The following DDX60 variants were observed in gnomAD, a reference collection of about 807,000 sequenced individuals.
DDX60 encodes DExD/H-box helicase 60.
A neutral mutation model predicts 212.8 loss-of-function variants in DDX60; 165 were observed. The ratio of observed to expected loss-of-function variants is 0.78; its 90% CI spans 0.68 to 0.88. The LOEUF (loss-of-function observed/expected upper bound fraction) is 0.88, where lower values mean the gene tolerates loss of function less well. DDX60 is among the 40% of genes least tolerant of loss of function. The probability of loss-of-function intolerance (pLI) is 0.00; values close to 1 mark genes in which losing one functional copy is unlikely to be tolerated. For synonymous variants in DDX60, 703 were observed against 685.3 expected, an observed-to-expected ratio of 1.03 and a Z score of -0.40; for missense variants, 1,905 against 2,003.9, an observed-to-expected ratio of 0.95 and a Z score of 0.94.
chr4:168,324,494 T>C, the DDX60 span, among the ~76,000 whole-genome samples: 3 of 152,164 alleles, frequency 2.0e-5, no homozygotes, highest in African/African-American at 7.2e-5. Context: ...CAGCATTTGT[T>C]GGAGGGGGCC....
chr4:168,322,165 C>T (rs532302451), upstream of DDX60, among the ~76,000 whole-genome samples: 95 of 152,302 alleles, frequency 6.2e-4, 1 homozygote, highest in Admixed American at 1.7e-3. Context: ...TGCCTCTGTT[C>T]AGCATTAGAA....
At chr4:168,269,517 C>T (rs11722089) in intron 19 of DDX60, among the ~76,000 whole-genome samples, 2,609 of 152,036 alleles carry the variant, frequency 0.017, 125 homozygotes, top group East Asian at 0.14. Context: ...AGGAGAATGG[C>T]GTGAACCCGG....
In DDX60 at chr4:168,267,642, T is replaced by C. The variant is rs1335468348; in HGVS notation, c.2979A>G (p.Ile993Met). ...GATCAAAATGAATGTCACCATGTTT[T>C]ATTGAACATACATGCTTCTCTAGAT... Reference protein sequence around the residue: ...YNDLEKHVCSIKHGDIHFDHF... With the variant: ...YNDLEKHVCSMKHGDIHFDHF... Residue 993 changes from isoleucine to methionine, a missense_variant, in exon 22 of 38, where the codon ATA becomes ATG. Ile to Met is a conservative substitution (Grantham distance 10). Transcript: ENST00000393743. The C allele has an allele frequency of 1.2e-6, 2 of 1,604,320 alleles. No individual in the cohort carries two copies. The highest frequency in any genetic ancestry group is 3.4e-5 in the Admixed American group (2 of 59,284).
At chr4:168,310,886 T>G in intron 3 of DDX60, 112 bp downstream of exon 3, 1 of 577,392 alleles carries the variant, frequency 1.7e-6, no homozygotes, top group South Asian at 2.8e-5. Context: ...TCAGTGCCCT[T>G]AGCCCCTACA....
intron 18 of DDX60, 80 bp downstream of exon 18, chr4:168,273,199 G>A (rs1304011430): frequency 3.0e-6 from 4 of 1,325,744 alleles, no homozygotes; most frequent in African/African-American, 1.5e-5. Context: ...GCCTTGTGAA[G>A]ATGTTGAATT....
intron 1 of DDX60, among the ~76,000 whole-genome samples, chr4:168,315,678 T>C (rs1737337136): frequency 6.6e-6 from 1 of 152,206 alleles, no homozygotes; most frequent in Non-Finnish European, 1.5e-5. Context: ...CATGTGGTGT[T>C]TGGTTTTCTG....
rs1319351160 is a variant in DDX60, at chr4:168,308,053, C to G, written c.217G>C (p.Val73Leu). The G allele has an allele frequency of 6.2e-7, 1 of 1,609,228 alleles. No homozygotes were observed. Among genetic ancestry groups the G allele is most frequent in the East Asian group, 2.2e-5 (1 of 44,634 alleles). ...TGTCCTCCTTTGCTAATAAGATCCA[C>G]AAGATAGCGTTCAACCAGATAGAAG... ...HFFYLVERYL[V>L]DLISKGGQFT... Residue 73 changes from valine (V) to leucine (L), a missense_variant, in exon 4 of 38, where the codon GTG becomes CTG. By Grantham distance (32) the Val-to-Leu change is conservative. Transcript: ENST00000393743.
At chr4:168,289,905 G>A (rs1207200296) in intron 8 of DDX60, among the ~76,000 whole-genome samples, 2 of 152,102 alleles carry the variant, frequency 1.3e-5, no homozygotes, top group African/African-American at 4.8e-5. Context: ...ACATGACTGA[G>A]GTAATAGCCA....
intron 13 of DDX60, among the ~76,000 whole-genome samples, chr4:168,282,861 G>A (rs78212787): frequency 0.017 from 2,589 of 152,134 alleles, 123 homozygotes; most frequent in East Asian, 0.14. Context: ...GAAATAGATT[G>A]GAACTTTCCT....
chr4:168,297,356 AAGAAAGAAAGAAAGAAAGAAAGAAAG>A (rs879764926), intron 6 of DDX60, among the ~76,000 whole-genome samples: 7,306 of 82,620 alleles, frequency 0.088, 832 homozygotes, highest in African/African-American at 0.19. Flanking sequence ...GAAAGAAAGA[AAGAAAGAAAGAAAGAAAGAAAGAAAG>A]AGAAAGAAAG....
At chr4:168,288,711 A>C (rs1449915615) in intron 8 of DDX60, among the ~76,000 whole-genome samples, 2 of 152,190 alleles carry the variant, frequency 1.3e-5, no homozygotes, top group East Asian at 3.8e-4. Context: ...GAGCATTTAA[A>C]AAAATGTGTT....
In DDX60 at chr4:168,256,224, G is replaced by A. The variant is rs933222119; in HGVS notation, c.3399-355C>T. On this transcript the variant is annotated intron_variant, in intron 25 of 37. Coordinates refer to ENST00000393743, the MANE Select transcript of DDX60 (RefSeq NM_017631.6). The stretch of plus-strand genomic sequence containing the variant: ...GAACAGAGAACAATGGTTTTTCTCC[G>A]TTTATCTCCATTTATATGCAGAAGA... 5.3e-5 allele frequency among the ~76,000 whole-genome samples: 8 copies of A among 150,954 alleles called. No homozygotes were observed. The South Asian group carries it at 8.4e-4, about 16-fold the overall frequency.
At chr4:168,251,441 C>T (rs1734216851) in intron 27 of DDX60, among the ~76,000 whole-genome samples, 1 of 152,210 alleles carries the variant, frequency 6.6e-6, no homozygotes, top group African/African-American at 2.4e-5. Context: ...GGAGTTTTCC[C>T]CAACAGGGAG....
chr4:168,287,641 C>G (rs1735918786), intron 9 of DDX60, among the ~76,000 whole-genome samples: 1 of 152,046 alleles, frequency 6.6e-6, no homozygotes, highest in African/African-American at 2.4e-5. Flanking sequence ...TCACTGTGGT[C>G]AAAGCTTCAA....
chr4:168,283,660 C>A, intron 12 of DDX60, 54 bp from the exon 13 acceptor site: 1 of 1,302,744 alleles, frequency 7.7e-7, no homozygotes, highest in Non-Finnish European at 1.1e-6. Flanking sequence ...CAATAGCATT[C>A]TCATCAATTC....
chr4:168,296,075 C>A (rs1453155571), intron 6 of DDX60, among the ~76,000 whole-genome samples: 2 of 152,032 alleles, frequency 1.3e-5, no homozygotes, highest in Non-Finnish European at 2.9e-5. Flanking sequence ...GTTTTGAGAT[C>A]TATTATACAG....
intron 35 of DDX60, among the ~76,000 whole-genome samples, chr4:168,223,000 A>C (rs1041598540): frequency 2.0e-5 from 3 of 152,116 alleles, no homozygotes; most frequent in Non-Finnish European, 4.4e-5. Context: ...AATGTAAATA[A>C]AAGTGACTTT....
At chr4:168,307,950 A>G in intron 4 of DDX60, 56 bp downstream of exon 4, 1 of 1,053,624 alleles carries the variant, frequency 9.5e-7, no homozygotes, top group Non-Finnish European at 1.3e-6. Flanking sequence ...ATAATAATTT[A>G]GGAAATTTTA....
chr4:168,274,170 T>A (rs1298055363), intron 16 of DDX60, 87 bp from the exon 17 acceptor site: 3 of 1,519,256 alleles, frequency 2.0e-6, no homozygotes, highest in African/African-American at 2.7e-5. Context: ...TCCAATACGA[T>A]TTTCTGAACC....
Sources: allele counts gnomAD v4.1 joint callset (sites outside exome capture counted in the v4.1 genomes callset), GRCh38; gene constraint gnomAD v4.1.1; transcripts MANE v1.5; gene names NCBI Gene and HGNC (gene_info 2026-07-23, HGNC 2026-07-21).